Variants in PI4KB observed in about 807,000 individuals in gnomAD.
PI4KB encodes phosphatidylinositol 4-kinase beta.
In PI4KB, 23 loss-of-function variants were observed where a neutral mutation model predicts 81.4. That is an observed-to-expected ratio of 0.28 (90% confidence interval 0.20 to 0.40). The LOEUF (loss-of-function observed/expected upper bound fraction) is 0.40, where lower values mean the gene tolerates loss of function less well. PI4KB is among the 10% of genes least tolerant of loss of function. The pLI, the probability that PI4KB is intolerant of heterozygous loss-of-function variation, is 1.00. For missense variants in PI4KB, 651 were observed against 1,036.6 expected (o/e 0.63, Z 5.11); for synonymous variants, 381 against 406.8 (o/e 0.94, Z 0.76).
At chr1:151,313,951 C>T (rs1647511763) in intron 2 of PI4KB, among the ~76,000 whole-genome samples, 1 of 152,244 alleles carries the variant, frequency 6.6e-6, no homozygotes, top group South Asian at 2.1e-4. Flanking sequence ...TTCTAAGCCT[C>T]AGTTTCCTTG....
intron 8 of PI4KB, among the ~76,000 whole-genome samples, chr1:151,299,643 T>C (rs1373016669): frequency 2.0e-5 from 3 of 151,878 alleles, no homozygotes; most frequent in African/African-American, 2.4e-5. Context: ...TGAGCCAAGA[T>C]TGCACCACTG....
chr1:151,327,600 C>A, upstream of PI4KB: 2 of 386,848 alleles, frequency 5.2e-6, no homozygotes. Context: ...CCTTTCTTCC[C>A]AGGATACGCT....
chr1:151,303,688 A>G (rs761330150), intron 5 of PI4KB, 38 bp from the exon 6 acceptor site: 5 of 1,327,934 alleles, frequency 3.8e-6, no homozygotes, highest in African/African-American at 1.4e-5. Flanking sequence ...GTGCTAAAGT[A>G]TAGGTCTCCC....
chr1:151,296,197 A>C (rs1571134402), intron 9 of PI4KB, among the ~76,000 whole-genome samples: 1 of 152,176 alleles, frequency 6.6e-6, no homozygotes, highest in East Asian at 1.9e-4. Context: ...CAGTGAGCCG[A>C]GATCACGCCA....
chr1:151,298,572 C>T, intron 9 of PI4KB: 4 of 552,892 alleles, frequency 7.2e-6, no homozygotes, highest in Non-Finnish European at 1.3e-5. Context: ...AGACCCTGCT[C>T]ACTCAAACCC....
At chr1:151,324,463 AG>A (rs1649335017) in intron 1 of PI4KB, among the ~76,000 whole-genome samples, 1 of 152,160 alleles carries the variant, frequency 6.6e-6, no homozygotes, top group Non-Finnish European at 1.5e-5. Flanking sequence ...ATAGAAACTC[AG>A]GGCCAGGCAG....
intron 2 of PI4KB, among the ~76,000 whole-genome samples, chr1:151,312,558 C>A (rs1647283447): frequency 6.6e-6 from 1 of 152,200 alleles, no homozygotes; most frequent in African/African-American, 2.4e-5. Flanking sequence ...AACATTTTAT[C>A]CCCCGTCCTC....
At chr1:151,308,477 A>G (rs753393829) in intron 3 of PI4KB, among the ~76,000 whole-genome samples, 7 of 152,240 alleles carry the variant, frequency 4.6e-5, no homozygotes, top group Non-Finnish European at 1.0e-4. Flanking sequence ...GGAAGGAGGT[A>G]GGTAGATGGA....
intron 5 of PI4KB, 138 bp from the exon 6 acceptor site, chr1:151,303,788 C>A (rs1248087605): frequency 1.5e-6 from 1 of 650,628 alleles, no homozygotes; most frequent in Non-Finnish European, 2.8e-6. Context: ...GTTACTGGGA[C>A]CCCAGGCTGC....
chr1:151,312,857 A>T (rs772444865), intron 2 of PI4KB, among the ~76,000 whole-genome samples: 54 of 152,234 alleles, frequency 3.5e-4, no homozygotes, highest in South Asian at 4.2e-4. Context: ...TTACAAAAAA[A>T]TTTTTTAAAA....
upstream of PI4KB, chr1:151,327,606 A>G (rs1649850118): frequency 2.6e-6 from 1 of 384,852 alleles, no homozygotes; most frequent in Non-Finnish European, 4.6e-6. Context: ...TTCCCAGGAT[A>G]CGCTTTCCTG....
intron 1 of PI4KB, among the ~76,000 whole-genome samples, chr1:151,323,902 C>T (rs1322594389): frequency 6.6e-6 from 1 of 152,064 alleles, no homozygotes; most frequent in South Asian, 2.1e-4. Flanking sequence ...TCTTCATAAA[C>T]TCTTTGAGTA....
chr1:151,294,566 G>T, intron 9 of PI4KB, 25 bp from the exon 10 acceptor site: 2 of 1,613,306 alleles, frequency 1.2e-6, no homozygotes, highest in Non-Finnish European at 8.5e-7. Flanking sequence ...TAGAGGAGAG[G>T]AAGAGGCAGT....
At chr1:151,318,773 A>G (rs1648409387) in intron 1 of PI4KB, among the ~76,000 whole-genome samples, 1 of 152,152 alleles carries the variant, frequency 6.6e-6, no homozygotes, top group African/African-American at 2.4e-5. Flanking sequence ...TTCTGGTTAC[A>G]GGTATTTTTT....
In PI4KB at chr1:151,315,599, T is replaced by G; in HGVS notation, c.883A>C (p.Asn295His). 1 of 1,614,010 alleles carries G rather than the reference T, an allele frequency of 6.2e-7. No homozygotes were observed. The highest frequency in any genetic ancestry group is 8.5e-7 in the Non-Finnish European group (1 of 1,179,956). ...LSSNLKRTAS[N>H]PKVENEDEEL... Reference sequence around the variant, plus strand: ...TCATCCTCATTCTCCACTTTAGGGTTGCTGGCTGTTCGTTTCAGGTTGCTG... The same window carrying G: ...TCATCCTCATTCTCCACTTTAGGGTGGCTGGCTGTTCGTTTCAGGTTGCTG... The change falls in exon 2 of 12, where the codon AAC (asparagine) becomes CAC (histidine). Residue 295 changes from asparagine to histidine, a missense_variant. Asn to His is a moderately conservative substitution (Grantham distance 68). Around this residue, in one of 5 missense-constraint regions of PI4KB, gnomAD observed 314 missense variants for 397.8 expected, o/e 0.79. Transcript: ENST00000368873.
intron 1 of PI4KB, among the ~76,000 whole-genome samples, chr1:151,323,956 ATTT>A (rs1017157480): frequency 6.9e-6 from 1 of 145,360 alleles, no homozygotes; most frequent in African/African-American, 2.5e-5. Context: ...TCAAAAAAAA[ATTT>A]TTTTTTTTTT....
intron 9 of PI4KB, among the ~76,000 whole-genome samples, chr1:151,296,644 A>T (rs922034656): frequency 6.6e-6 from 1 of 151,108 alleles, no homozygotes; most frequent in Admixed American, 6.6e-5. Context: ...CTAATTTTTT[A>T]TTTTTAGTAG....
At chr1:151,302,769 G>T (rs941216735) in intron 6 of PI4KB, among the ~76,000 whole-genome samples, 1 of 150,716 alleles carries the variant, frequency 6.6e-6, no homozygotes, top group African/African-American at 2.4e-5. Flanking sequence ...TTTTTTGGTA[G>T]AGATGGGGTT....
rs113112907 is a variant in PI4KB at position 151,295,483 on chromosome 1, G to A, written c.2016-942C>T. Among the ~76,000 whole-genome samples the A allele has an allele frequency of 9.2e-5, 14 of 152,330 alleles. 1 individual carries two copies. Among genetic ancestry groups the A allele is most frequent in the African/African-American group, 3.4e-4 (14 of 41,578 alleles). ...CATGGTTCAACCTCACATTTTACAG[G>A]TGAAGAAAACAGAGGCCCTGAGAGA... On this transcript the variant is annotated intron_variant, in intron 9 of 11. Coordinates refer to ENST00000368873, the MANE Select transcript of PI4KB (RefSeq NM_001369623.2).
Sources: allele counts gnomAD v4.1 joint callset (sites outside exome capture counted in the v4.1 genomes callset), GRCh38; gene constraint gnomAD v4.1.1; regional missense constraint gnomAD v4.1.1; transcripts MANE v1.5; gene names NCBI Gene and HGNC (gene_info 2026-07-23, HGNC 2026-07-21).